PARVB: variants seen among roughly 807,000 people sequenced by gnomAD.
PARVB encodes beta-parvin.
A neutral mutation model predicts 47.0 loss-of-function variants in PARVB; 46 were observed. The observed-to-expected ratio is 0.98, with a 90% CI of 0.77 to 1.25. The LOEUF (loss-of-function observed/expected upper bound fraction) is 1.25, where lower values mean the gene tolerates loss of function less well. Among genes scored for constraint, PARVB ranks in the 50% most tolerant of loss-of-function variants. The pLI is 0.00. For synonymous variants in PARVB, 196 were observed against 196.3 expected, an observed-to-expected ratio of 1.00 and a Z score of 0.01; for missense variants, 473 against 471.6, an observed-to-expected ratio of 1.00 and a Z score of -0.03.
chr22:44,003,363 TAAAG>T (rs1418413272), intron 2 of PARVB, among the ~76,000 whole-genome samples: 1 of 152,112 alleles, frequency 6.6e-6, no homozygotes, highest in African/African-American at 2.4e-5. Flanking sequence ...CAGAACATCA[TAAAG>T]AGACTGTGAT....
intron 1 of PARVB, among the ~76,000 whole-genome samples, chr22:44,074,215 T>C (rs944490997): frequency 3.9e-5 from 6 of 152,146 alleles, no homozygotes; most frequent in African/African-American, 1.4e-4. Context: ...GACGGGGGCA[T>C]GGGCAGAAGC....
At chr22:43,999,629 C>T in exon 2 of PARVB, 1 of 1,613,866 alleles carries the variant, frequency 6.2e-7, no homozygotes, top group Non-Finnish European at 8.5e-7. Context: ...CTCCCTGGCT[C>T]AGACAGATCA....
chr22:44,009,248 T>C (rs1044306718), intron 2 of PARVB, among the ~76,000 whole-genome samples: 8 of 152,228 alleles, frequency 5.3e-5, no homozygotes, highest in Non-Finnish European at 8.8e-5. Context: ...CTACAGTAGG[T>C]ATGCTATGTG....
rs1166838355 is a variant in PARVB at position 44,171,381 on chromosome 22, G to C, written c.*2703G>C. On this transcript the variant is annotated 3_prime_UTR_variant, in exon 13 of 13. Transcript: ENST00000338758. ...CATGGTATGTATGCCTGTAATCCCA[G>C]CTATTCGGGAGGCTGAGGCAGGAGA... is the stretch of plus-strand genomic sequence containing the variant. 1 of 151,958 alleles carries C rather than the reference G, an allele frequency of 6.6e-6. No individual in the cohort carries two copies. The highest frequency in any genetic ancestry group is 1.5e-5 in the Non-Finnish European group (1 of 68,042). 9.4% of individuals were successfully genotyped at this position (151,958 alleles called of 1,614,324 possible).
In PARVB at chr22:43,999,376, GA is replaced by G; in HGVS notation, c.40del (p.Arg14GlyfsTer16). 1 of 1,611,056 alleles carries G rather than the reference GA, an allele frequency of 6.2e-7. No individual in the cohort carries two copies. The highest frequency in any genetic ancestry group is 8.5e-7 in the Non-Finnish European group (1 of 1,178,514). ...TGTTTAAAGATCACCAAAGAGGAGA[GA>G]AAAGGGGATTCCTTAGTCCAGAGAA... On this transcript the variant is annotated frameshift_variant, in exon 1 of 14. Coordinates refer to the PARVB transcript ENST00000406477. LOFTEE classifies it high-confidence loss of function.
intron 12 of PARVB, among the ~76,000 whole-genome samples, chr22:44,166,881 G>A (rs1383446538): frequency 6.6e-6 from 1 of 152,238 alleles, no homozygotes; most frequent in East Asian, 1.9e-4. Flanking sequence ...GAATGACACG[G>A]AGAATGGGGT....
At chr22:44,163,696 CGTGTCTGCCCACCCTGTGGCCCGCCCCGG>C (rs1569165368) in intron 11 of PARVB, among the ~76,000 whole-genome samples, 133 bp from the exon 12 acceptor site, 1 of 152,198 alleles carries the variant, frequency 6.6e-6, no homozygotes, top group African/African-American at 2.4e-5. Context: ...CTTCCTCACC[CGTGTCTGCCCACCCTGTGGCCCGCCCCGG>C]GCTCACTGGG....
intron 2 of PARVB, among the ~76,000 whole-genome samples, chr22:44,003,786 G>A (rs1229145030): frequency 6.6e-6 from 1 of 152,204 alleles, no homozygotes; most frequent in Non-Finnish European, 1.5e-5. Context: ...CAGGTGCAGG[G>A]TGTTGTACAG....
Position 44,155,921 on chromosome 22 carries a change from G to A in PARVB, c.844-2061G>A, listed in dbSNP as rs1326306853. On this transcript the variant is annotated intron_variant, in intron 10 of 12. Transcript: ENST00000338758. This position sits in a 1 kb window ranked among gnomAD's most constrained non-coding sequence, Gnocchi z 4.8. ...CAATCCTAGCACTTTGGGTGGCCGA[G>A]GTGGGTGGATCATGAGGTCAGGAGT... 6.6e-6 allele frequency among the ~76,000 whole-genome samples: 1 copy of A among 152,138 alleles called. No individual in the cohort carries two copies. The highest frequency in any genetic ancestry group is 6.5e-5 in the Admixed American group (1 of 15,282).
chr22:44,154,887 T>C lies in PARVB; in HGVS notation c.844-3095T>C, dbSNP rs1178272710. ...TGGGGGTGTGTGTGTGTGGTTTTTG[T>C]AGTCTGTGTAGTGTGTGGTGTGTGT... On this transcript the variant is annotated intron_variant, in intron 10 of 12. Transcript: ENST00000338758. Among the ~76,000 whole-genome samples the C allele has an allele frequency of 2.1e-5, 3 of 145,634 alleles. No homozygotes were observed. In the East Asian group the frequency reaches 6.4e-4, roughly 31 times the overall value.
At chr22:44,135,050 A>T (rs16991541) in intron 6 of PARVB, among the ~76,000 whole-genome samples, 1,682 of 152,256 alleles carry the variant, frequency 0.011, 31 homozygotes, top group African/African-American at 0.037. Flanking sequence ...ACCAACCCTG[A>T]GTATTCCATG....
chr22:44,142,229 T>C (rs2053565829), intron 8 of PARVB: 1 of 151,652 alleles, frequency 6.6e-6, no homozygotes, highest in Non-Finnish European at 1.5e-5. Flanking sequence ...TACAAAAAAA[T>C]TAGCCGGGCG....
chr22:44,075,287 C>A (rs1026654639), intron 1 of PARVB, among the ~76,000 whole-genome samples: 3 of 152,208 alleles, frequency 2.0e-5, no homozygotes, highest in Non-Finnish European at 2.9e-5. Flanking sequence ...TGCATGCACC[C>A]GCAGTGACCC....
chr22:44,161,946 G>C (rs2147179548), intron 11 of PARVB, among the ~76,000 whole-genome samples: 1 of 152,318 alleles, frequency 6.6e-6, no homozygotes, highest in Non-Finnish European at 1.5e-5. Context: ...GTGGCCCAGT[G>C]TTCCCATTGG....
At chr22:44,085,202 C>G (rs369239402) in intron 1 of PARVB, among the ~76,000 whole-genome samples, 2 of 152,306 alleles carry the variant, frequency 1.3e-5, no homozygotes. Context: ...CCCCTGGGCT[C>G]GAGTGATCCT....
At chr22:44,118,312 A>G (rs2052959402) in intron 3 of PARVB, among the ~76,000 whole-genome samples, 1 of 152,246 alleles carries the variant, frequency 6.6e-6, no homozygotes, top group African/African-American at 2.4e-5. Context: ...GAAAGGGCAG[A>G]CATCATCGGC....
At chr22:44,098,634 T>C (rs978476722) in intron 2 of PARVB, among the ~76,000 whole-genome samples, 6 of 152,156 alleles carry the variant, frequency 3.9e-5, no homozygotes, top group African/African-American at 7.2e-5. Flanking sequence ...TGCAGAGATA[T>C]CATCAGGACT....
At chr22:44,119,912 G>A (rs1016942668) in intron 4 of PARVB, 1 of 508,352 alleles carries the variant, frequency 2.0e-6, no homozygotes, top group South Asian at 1.5e-5. Context: ...GCGAAGAGTT[G>A]CCAGGCAAAG....
chr22:44,136,617 T>A, intron 7 of PARVB, 99 bp downstream of exon 7: 2 of 938,750 alleles, frequency 2.1e-6, no homozygotes, highest in Non-Finnish European at 3.5e-6. Context: ...CCCATGGGGC[T>A]GCTCCCGCTC....
Sources: allele counts gnomAD v4.1 joint callset (sites outside exome capture counted in the v4.1 genomes callset), GRCh38; gene constraint gnomAD v4.1.1; non-coding constraint Gnocchi (gnomAD v3.1); transcripts MANE v1.5; gene names NCBI Gene and HGNC (gene_info 2026-07-23, HGNC 2026-07-21).